Variants in ATF7IP observed in about 807,000 individuals in gnomAD.
The protein encoded by ATF7IP is activating transcription factor 7 interacting protein, also known as activating transcription factor 7-interacting protein 1.
ATF7IP carries 23 observed loss-of-function variants against 106.4 expected under a neutral mutation model. The ratio of observed to expected loss-of-function variants is 0.22; its 90% confidence interval spans 0.16 to 0.31. The LOEUF (loss-of-function observed/expected upper bound fraction) is 0.31, where lower values mean the gene tolerates loss of function less well. Ranked by LOEUF, ATF7IP falls within the 10% of genes least tolerant of loss-of-function variation. The probability of loss-of-function intolerance (pLI) is 1.00; values close to 1 mark genes in which losing one functional copy is unlikely to be tolerated. For missense variants in ATF7IP, 1,334 were observed against 1,524.3 expected, an observed-to-expected ratio of 0.88 and a Z score of 2.08; for synonymous variants, 542 against 539.0, an observed-to-expected ratio of 1.01 and a Z score of -0.08.
At position 14,445,416 on chromosome 12, in the gene ATF7IP, C is replaced by T. The variant is rs528977465; in HGVS notation, c.1930-1572C>T. ...TTCTTTTTTTTTTGAGAGAGAGTCT[C>T]GCTTTGTCACCCATCCGCCCACCTT... On this transcript the variant is annotated intron_variant, in intron 5 of 14. Coordinates refer to ENST00000261168, the MANE Select transcript of ATF7IP (RefSeq NM_018179.5). Among the ~76,000 whole-genome samples the T allele has an allele frequency of 5.9e-4, 89 of 151,178 alleles. 1 individual carries two copies. Among genetic ancestry groups the T allele is most frequent in the Non-Finnish European group, 1.1e-3 (76 of 67,830 alleles).
At chr12:14,400,797 A>C (rs1565482624) in intron 1 of ATF7IP, among the ~76,000 whole-genome samples, 1 of 152,158 alleles carries the variant, frequency 6.6e-6, no homozygotes. Flanking sequence ...AAGACCACTC[A>C]TTTCTGTATA....
At chr12:14,466,184 A>C (rs1217177209) in intron 9 of ATF7IP, 1 of 173,680 alleles carries the variant, frequency 5.8e-6, no homozygotes, top group Non-Finnish European at 1.2e-5. Context: ...TTTTTCTCCA[A>C]AAGAACATAG....
At chr12:14,474,326 T>C (rs1350176970) in intron 10 of ATF7IP, among the ~76,000 whole-genome samples, 1 of 151,726 alleles carries the variant, frequency 6.6e-6, no homozygotes, top group Non-Finnish European at 1.5e-5. Flanking sequence ...CTTTATTATT[T>C]CTTTTTTTTT....
intron 8 of ATF7IP, among the ~76,000 whole-genome samples, chr12:14,458,103 A>AT (rs1423825639): frequency 6.6e-6 from 1 of 151,702 alleles, no homozygotes; most frequent in East Asian, 1.9e-4. Flanking sequence ...CTCAAAAAAA[A>AT]AAATAATAAA....
chr12:14,495,226 A>G (rs1944977063), intron 13 of ATF7IP, among the ~76,000 whole-genome samples: 1 of 152,350 alleles, frequency 6.6e-6, no homozygotes, highest in African/African-American at 2.4e-5. Context: ...TCTTTTGGCA[A>G]CATCCTCACA....
At chr12:14,454,896 TGGCCA>T (rs1943364938) in intron 6 of ATF7IP, among the ~76,000 whole-genome samples, 1 of 152,176 alleles carries the variant, frequency 6.6e-6, no homozygotes, top group Non-Finnish European at 1.5e-5. Flanking sequence ...TACTCAATGA[TGGCCA>T]GGCACAGTAG....
intron 1 of ATF7IP, among the ~76,000 whole-genome samples, chr12:14,403,182 A>T (rs1940357148): frequency 6.6e-6 from 1 of 151,834 alleles, no homozygotes; most frequent in Non-Finnish European, 1.5e-5. Context: ...AATTTTTATC[A>T]GTGAATGAGT....
chr12:14,393,904 C>T (rs917676820), intron 1 of ATF7IP, among the ~76,000 whole-genome samples: 2 of 152,008 alleles, frequency 1.3e-5, no homozygotes, highest in Admixed American at 1.3e-4. Flanking sequence ...TCAACTCTTG[C>T]CTTGTCAGAT....
At chr12:14,464,156 T>A (rs1175969558) in intron 9 of ATF7IP, among the ~76,000 whole-genome samples, 1 of 151,952 alleles carries the variant, frequency 6.6e-6, no homozygotes, top group Admixed American at 6.6e-5. Context: ...GTACAAAAAA[T>A]AAAAAATTAG....
intron 1 of ATF7IP, among the ~76,000 whole-genome samples, chr12:14,392,458 T>C (rs1939612026): frequency 1.3e-5 from 2 of 152,208 alleles, no homozygotes; most frequent in Non-Finnish European, 2.9e-5. Context: ...AAAGGCAGCA[T>C]GGTAGAGTGA....
intron 6 of ATF7IP, among the ~76,000 whole-genome samples, chr12:14,452,214 C>T (rs899188450): frequency 3.9e-5 from 6 of 152,124 alleles, no homozygotes; most frequent in African/African-American, 1.4e-4. Context: ...CATCCTTTCA[C>T]TTTCATTCTG....
At chr12:14,469,132 A>C (rs751864409) in intron 10 of ATF7IP, among the ~76,000 whole-genome samples, 5 of 152,100 alleles carry the variant, frequency 3.3e-5, no homozygotes, top group Non-Finnish European at 7.4e-5. Context: ...GCACTTTGGG[A>C]GGCCAAGACG....
chr12:14,466,458 T>C, intron 9 of ATF7IP, 68 bp from the exon 10 acceptor site: 1 of 1,271,776 alleles, frequency 7.9e-7, no homozygotes, highest in Non-Finnish European at 1.1e-6. Context: ...ATGAATTGTT[T>C]CATATAAAGC....
chr12:14,377,275 G>A (rs958273614), intron 1 of ATF7IP, among the ~76,000 whole-genome samples: 1 of 151,868 alleles, frequency 6.6e-6, no homozygotes, highest in Non-Finnish European at 1.5e-5. Context: ...GGTTATAGAT[G>A]TGAGCCACTG....
intron 12 of ATF7IP, among the ~76,000 whole-genome samples, chr12:14,480,216 A>G (rs553585423): frequency 1.3e-5 from 2 of 152,250 alleles, no homozygotes; most frequent in South Asian, 4.1e-4. Context: ...TTTTTATTAT[A>G]TAGTTACTAT....
At chr12:14,436,780 A>G (rs1277350249) in intron 4 of ATF7IP, among the ~76,000 whole-genome samples, 1 of 117,090 alleles carries the variant, frequency 8.5e-6, no homozygotes, top group African/African-American at 3.5e-5. Context: ...TTTTGGCTAC[A>G]TCTTTTTTTT....
chr12:14,453,209 G>C lies in ATF7IP; in HGVS notation c.1996-3352G>C, dbSNP rs537397998. Among the ~76,000 whole-genome samples the C allele has an allele frequency of 1.3e-5, 2 of 150,896 alleles. 1 individual carries two copies. Among genetic ancestry groups the C allele is most frequent in the Admixed American group, 1.3e-4 (2 of 15,168 alleles). ...TGTTTTTGGGTTAACAATAGTTGGAGGTCTTTGAGCTTCTTGAATTTGCAT... is the reference window on the plus strand; with the variant it reads ...TGTTTTTGGGTTAACAATAGTTGGACGTCTTTGAGCTTCTTGAATTTGCAT... On this transcript the variant is annotated intron_variant, in intron 6 of 14. Transcript: ENST00000261168.
chr12:14,444,164 T>G (rs963903747), intron 5 of ATF7IP, among the ~76,000 whole-genome samples: 45 of 152,310 alleles, frequency 3.0e-4, no homozygotes, highest in African/African-American at 1.0e-3. Context: ...TTCCGTTGGT[T>G]ATGACTTAGA....
intron 1 of ATF7IP, among the ~76,000 whole-genome samples, chr12:14,402,711 CGAT>C (rs1229876741): frequency 5.5e-4 from 83 of 151,020 alleles, no homozygotes; most frequent in Admixed American, 2.4e-3. Flanking sequence ...TGGGTTCAAG[CGAT>C]TCTCCTGCCT....
Sources: gnomAD v4.1 joint callset for allele counts (sites outside exome capture counted in the v4.1 genomes callset) on GRCh38, gnomAD v4.1.1 for gene constraint, MANE v1.5 for transcripts, NCBI Gene and HGNC (gene_info 2026-07-23, HGNC 2026-07-21) for gene names.